The following TPST1 variants were observed in gnomAD, a reference collection of about 807,000 sequenced individuals.
TPST1 encodes the protein tyrosylprotein sulfotransferase 1.
Under a neutral mutation model 34.8 loss-of-function variants are expected in TPST1, and 20 were observed. That is an observed-to-expected ratio of 0.57 (90% CI 0.40 to 0.84). The LOEUF is 0.84. Among genes scored for constraint, TPST1 ranks in the 40% least tolerant of loss-of-function variants. The pLI, the probability that TPST1 is intolerant of heterozygous loss-of-function variation, is 0.00. For missense variants in TPST1, 353 were observed against 455.5 expected, an observed-to-expected ratio of 0.78 and a Z score of 2.05; for synonymous variants, 152 against 159.4, an observed-to-expected ratio of 0.95 and a Z score of 0.35.
chr7:66,336,986 G>A (rs2116306640), intron 3 of TPST1, among the ~76,000 whole-genome samples: 1 of 152,274 alleles, frequency 6.6e-6, no homozygotes, highest in Middle Eastern at 3.4e-3. Context: ...AAACTGCCAA[G>A]CAAGAATACT....
chr7:66,344,983 C>A (rs1478908161), intron 3 of TPST1, among the ~76,000 whole-genome samples: 3 of 149,156 alleles, frequency 2.0e-5, no homozygotes, highest in Non-Finnish European at 4.5e-5. Context: ...CTCGGCCTCC[C>A]AAAGTGCTGG....
chr7:66,311,288 A>T (rs773320122), intron 3 of TPST1, among the ~76,000 whole-genome samples: 3 of 152,084 alleles, frequency 2.0e-5, no homozygotes, highest in Non-Finnish European at 4.4e-5. Context: ...ATAGGCATGC[A>T]CCACTATGCC....
At chr7:66,227,490 A>T (rs975237093) in intron 1 of TPST1, among the ~76,000 whole-genome samples, 25 of 151,976 alleles carry the variant, frequency 1.6e-4, no homozygotes, top group Non-Finnish European at 2.5e-4. Flanking sequence ...TGGTGTGATC[A>T]TGGCTCACTG....
chr7:66,333,825 A>G (rs139512678), intron 3 of TPST1, among the ~76,000 whole-genome samples: 1 of 152,266 alleles, frequency 6.6e-6, no homozygotes, highest in Non-Finnish European at 1.5e-5. Context: ...ATTTCCTTAA[A>G]ACTAGTACTA....
At chr7:66,296,676 G>GTTTTTTTTTTT (rs55888171) in intron 3 of TPST1, among the ~76,000 whole-genome samples, 5 of 92,140 alleles carry the variant, frequency 5.4e-5, no homozygotes, top group Admixed American at 2.8e-4. Flanking sequence ...TACTGGGTTG[G>GTTTTTTTTTTT]TTTTTTTTTT....
chr7:66,319,754 T>A (rs1233667465), intron 3 of TPST1, among the ~76,000 whole-genome samples: 1 of 152,240 alleles, frequency 6.6e-6, no homozygotes, highest in Non-Finnish European at 1.5e-5. Flanking sequence ...CAAGTGAGCA[T>A]AGCAAGCTTC....
chr7:66,312,823 A>G (rs560147113), intron 3 of TPST1, among the ~76,000 whole-genome samples: 46 of 152,280 alleles, frequency 3.0e-4, no homozygotes, highest in African/African-American at 1.1e-3. Flanking sequence ...GATGAGAGAA[A>G]ATGATACCTA....
At chr7:66,337,299 A>T (rs1006222416) in intron 3 of TPST1, among the ~76,000 whole-genome samples, 22 of 107,720 alleles carry the variant, frequency 2.0e-4, no homozygotes, top group Middle Eastern at 5.4e-3. Flanking sequence ...TAAAAGACAA[A>T]TTTTTTTTTT....
chr7:66,220,436 T>C (rs748696553), intron 1 of TPST1, among the ~76,000 whole-genome samples: 27 of 152,038 alleles, frequency 1.8e-4, no homozygotes, highest in Non-Finnish European at 3.5e-4. Flanking sequence ...AAAGTAACCA[T>C]GTAGTGTGAG....
intron 3 of TPST1, among the ~76,000 whole-genome samples, chr7:66,313,678 A>G (rs1465650404): frequency 6.6e-6 from 1 of 152,168 alleles, no homozygotes; most frequent in African/African-American, 2.4e-5. Context: ...AGCAATATTC[A>G]TGGTGCTTTT....
In TPST1 at chr7:66,205,438, A is replaced by C. The variant is rs1395573133; in HGVS notation, c.-186A>C. 7.2e-5 allele frequency: 11 copies of C among 152,592 alleles called. No individual in the cohort carries two copies. The East Asian group carries it at 2.1e-3, about 29-fold the overall frequency. 9.5% of individuals were successfully genotyped at this position (152,592 alleles called of 1,614,324 possible). A position where few individuals can be genotyped will look rare whatever the true frequency, so the allele number is the denominator to read the frequency against. On this transcript the variant is annotated 5_prime_UTR_variant, in exon 1 of 6. Transcript: ENST00000304842. This position sits in a 1 kb window ranked among gnomAD's most constrained non-coding sequence, Gnocchi z 5.0. The stretch of plus-strand genomic sequence containing the variant: ...GCTTGGCGGTGAGGGCGGGCTCCCG[A>C]GTGGCCCCCCACCGAAGGCGGTGGG...
chr7:66,314,886 A>G (rs77532607), intron 3 of TPST1, among the ~76,000 whole-genome samples: 2,231 of 152,332 alleles, frequency 0.015, 62 homozygotes, highest in East Asian at 0.093. Flanking sequence ...GTGGTTTATT[A>G]CTGACCAAAA....
chr7:66,344,719 T>C (rs953295809), intron 3 of TPST1, among the ~76,000 whole-genome samples: 2 of 143,840 alleles, frequency 1.4e-5, no homozygotes, highest in Non-Finnish European at 3.0e-5. Context: ...CCAACATTTC[T>C]AATTTTTTTT....
intron 2 of TPST1, among the ~76,000 whole-genome samples, chr7:66,258,859 T>C (rs1547529): frequency 0.23 from 34,950 of 152,214 alleles, 4,196 homozygotes; most frequent in East Asian, 0.3. Flanking sequence ...TGTGGACTTA[T>C]GGTTCTAATT....
At chr7:66,299,570 G>A (rs533150334) in intron 3 of TPST1, among the ~76,000 whole-genome samples, 5 of 151,786 alleles carry the variant, frequency 3.3e-5, no homozygotes, top group South Asian at 4.1e-4. Context: ...TCGTAGCTCC[G>A]TTCTACTGCC....
rs570854712 is a variant in TPST1 at position 66,344,926 on chromosome 7, A to T, written c.1045-7579A>T. On this transcript the variant is annotated intron_variant, in intron 3 of 5. Coordinates refer to ENST00000304842, the MANE Select transcript of TPST1 (RefSeq NM_003596.4). ...TTTTTAGTAGAGACGGGGTTTCACC[A>T]TGTTAGCCGGGATGGTCTCGATCTC... 5.4e-5 allele frequency among the ~76,000 whole-genome samples: 8 copies of T among 148,614 alleles called. No individual in the cohort carries two copies. In the South Asian group the frequency reaches 1.5e-3, roughly 28 times the overall value.
chr7:66,227,028 CTTTTTTTTTTTTT>C (rs546339747), intron 1 of TPST1, among the ~76,000 whole-genome samples: 1 of 69,200 alleles, frequency 1.4e-5, no homozygotes, highest in Admixed American at 2.3e-4. Flanking sequence ...TTAAAATAAG[CTTTTTTTTTTTTT>C]TTTTTTTTTT....
intron 2 of TPST1, among the ~76,000 whole-genome samples, chr7:66,264,938 A>C (rs1301886325): frequency 5.3e-5 from 8 of 152,168 alleles, no homozygotes; most frequent in Non-Finnish European, 1.0e-4. Context: ...ACCTAACTGA[A>C]AGTTTGAGAA....
chr7:66,304,081 A>G (rs1027475354), intron 3 of TPST1, among the ~76,000 whole-genome samples: 1 of 152,214 alleles, frequency 6.6e-6, no homozygotes, highest in Non-Finnish European at 1.5e-5. Context: ...GAGGGGTTTA[A>G]TATAGTAATT....
Sources: gnomAD v4.1 joint callset for allele counts (sites outside exome capture counted in the v4.1 genomes callset) on GRCh38, gnomAD v4.1.1 for gene constraint, Gnocchi (gnomAD v3.1) non-coding constraint, MANE v1.5 for transcripts, NCBI Gene and HGNC (gene_info 2026-07-23, HGNC 2026-07-21) for gene names.